SPAG16: variants seen among roughly 807,000 people sequenced by gnomAD.
SPAG16 encodes the protein sperm associated antigen 16, also known as sperm-associated antigen 16 protein.
A neutral mutation model predicts 80.4 loss-of-function variants in SPAG16; 86 were observed. That is an observed-to-expected ratio of 1.07 (90% confidence interval 0.90 to 1.28). The LOEUF is 1.28. Ranked by LOEUF, SPAG16 falls within the 50% of genes most tolerant of loss-of-function variation. The pLI is 0.00. For synonymous variants in SPAG16, 294 were observed against 265.9 expected (o/e 1.11, Z -1.03); for missense variants, 870 against 765.3 (o/e 1.14, Z -1.61).
chr2:213,845,390 G>T (rs990283899), intron 10 of SPAG16, among the ~76,000 whole-genome samples: 4 of 151,746 alleles, frequency 2.6e-5, no homozygotes, highest in African/African-American at 9.7e-5. Flanking sequence ...AGGAGACGAG[G>T]TTTCACCATG....
At chr2:213,805,315 AAAAG>A (rs1030207478) in intron 10 of SPAG16, among the ~76,000 whole-genome samples, 1 of 152,152 alleles carries the variant, frequency 6.6e-6, no homozygotes, top group African/African-American at 2.4e-5. Flanking sequence ...AACTGGGAGA[AAAAG>A]AGAGAAAGAC....
At chr2:214,217,701 G>A (rs559225764) in intron 15 of SPAG16, among the ~76,000 whole-genome samples, 1 of 152,246 alleles carries the variant, frequency 6.6e-6, no homozygotes, top group South Asian at 2.1e-4. Flanking sequence ...TTTAATATCT[G>A]CAAACTTTCA....
At chr2:214,042,007 TAC>T (rs78420814) in intron 13 of SPAG16, among the ~76,000 whole-genome samples, 5,885 of 100,970 alleles carry the variant, frequency 0.058, 128 homozygotes, top group East Asian at 0.1. Context: ...TATATATATA[TAC>T]ACACACACAC....
rs2045677235 is a variant in SPAG16, at chr2:213,980,608, G to GTATATATAGAATATATGTATATATGGAA, written c.1401-33338_1401-33337insATAGAATATATGTATATATGGAATATAT. On this transcript the variant is annotated intron_variant, in intron 12 of 15. Coordinates refer to ENST00000331683, the MANE Select transcript of SPAG16 (RefSeq NM_024532.5). ...TATATAGAATATATGTATATATGGA[G>GTATATATAGAATATATGTATATATGGAA]TATATGTATATATATAGAATATATG... Among the ~76,000 whole-genome samples the GTATATATAGAATATATGTATATATGGAA allele has an allele frequency of 3.0e-5, 4 of 134,780 alleles. No homozygotes were observed. The South Asian group carries it at 6.9e-4, about 23-fold the overall frequency. The allele number at this position is 134,780 out of a possible 152,430, so 88.4% of individuals were successfully genotyped here.
At chr2:214,354,953 A>G (rs1698675584) in intron 15 of SPAG16, among the ~76,000 whole-genome samples, 1 of 152,072 alleles carries the variant, frequency 6.6e-6, no homozygotes, top group Non-Finnish European at 1.5e-5. Context: ...AAACAGGGAC[A>G]ATTTGACTTC....
intron 15 of SPAG16, among the ~76,000 whole-genome samples, chr2:214,161,770 C>A (rs2056449694): frequency 6.6e-6 from 1 of 152,064 alleles, no homozygotes; most frequent in African/African-American, 2.4e-5. Flanking sequence ...TACAGCAAAC[C>A]ACCATGGCAC....
chr2:213,668,002 A>C (rs955953187), intron 10 of SPAG16, among the ~76,000 whole-genome samples: 3 of 152,042 alleles, frequency 2.0e-5, no homozygotes, highest in Non-Finnish European at 4.4e-5. Flanking sequence ...GCTGGAGTGC[A>C]TGATCTCGGC....
intron 9 of SPAG16, among the ~76,000 whole-genome samples, chr2:213,478,837 C>T (rs1370710163): frequency 1.3e-5 from 2 of 152,098 alleles, no homozygotes; most frequent in Non-Finnish European, 2.9e-5. Context: ...CTTCTGAATA[C>T]TCTTAAGAAT....
At chr2:213,737,298 C>T (rs1412140051) in intron 10 of SPAG16, among the ~76,000 whole-genome samples, 1 of 152,140 alleles carries the variant, frequency 6.6e-6, no homozygotes, top group Non-Finnish European at 1.5e-5. Flanking sequence ...TTTCTTTGTG[C>T]ATACGTGTTT....
At chr2:214,318,037 T>G (rs1042687918) in intron 15 of SPAG16, among the ~76,000 whole-genome samples, 8 of 152,236 alleles carry the variant, frequency 5.3e-5, no homozygotes, top group Non-Finnish European at 1.2e-4. Context: ...TTGTGCTATA[T>G]TTCTTAATTA....
rs540259890 is a variant in SPAG16, at chr2:213,881,824, A to G, written c.1214+19196A>G. ...GGGTGGAGACACAAAGCCTAACTAT[A>G]TCAGATGCCTTTTATTTCTTTCTCT... is the stretch of plus-strand genomic sequence containing the variant. On this transcript the variant is annotated intron_variant, in intron 11 of 15. Transcript: ENST00000331683. 5.3e-5 allele frequency among the ~76,000 whole-genome samples: 8 copies of G among 152,304 alleles called. No individual in the cohort carries two copies. In the East Asian group the frequency reaches 9.7e-4, roughly 18 times the overall value.
At chr2:213,909,067 T>C (rs930442338) in intron 11 of SPAG16, among the ~76,000 whole-genome samples, 5 of 152,100 alleles carry the variant, frequency 3.3e-5, no homozygotes, top group Non-Finnish European at 5.9e-5. Flanking sequence ...ATCACAAGCA[T>C]TCTTATACAC....
intron 10 of SPAG16, among the ~76,000 whole-genome samples, chr2:213,541,290 C>T (rs114587320): frequency 1.2e-3 from 175 of 152,126 alleles, no homozygotes; most frequent in African/African-American, 3.9e-3. Context: ...GAAATTAGGA[C>T]GCATAGAGTG....
At chr2:214,298,359 G>A (rs973934705) in intron 15 of SPAG16, among the ~76,000 whole-genome samples, 2 of 151,924 alleles carry the variant, frequency 1.3e-5, no homozygotes, top group Non-Finnish European at 2.9e-5. Context: ...GGGTTTCTAG[G>A]TATAATATCA....
intron 15 of SPAG16, among the ~76,000 whole-genome samples, chr2:214,184,691 G>A (rs1488907016): frequency 6.6e-6 from 1 of 152,044 alleles, no homozygotes; most frequent in African/African-American, 2.4e-5. Context: ...AGCAGTTTTG[G>A]TTTCTTTTAA....
chr2:213,623,866 A>G (rs1056482699), intron 10 of SPAG16, among the ~76,000 whole-genome samples: 1 of 152,056 alleles, frequency 6.6e-6, no homozygotes, highest in African/African-American at 2.4e-5. Flanking sequence ...AACAATAAAT[A>G]TACTCTTAAA....
intron 15 of SPAG16, among the ~76,000 whole-genome samples, chr2:214,208,625 G>C (rs1026662774): frequency 6.6e-6 from 1 of 152,080 alleles, no homozygotes; most frequent in South Asian, 2.1e-4. Context: ...CTCTCCCACT[G>C]TGTAACTGGA....
chr2:213,851,454 G>T (rs1477301523), intron 10 of SPAG16, among the ~76,000 whole-genome samples: 1 of 152,152 alleles, frequency 6.6e-6, no homozygotes, highest in African/African-American at 2.4e-5. Flanking sequence ...GTTGCAGTGA[G>T]CCAAGATTGC....
At chr2:213,904,830 A>T (rs1317837825) in intron 11 of SPAG16, among the ~76,000 whole-genome samples, 1 of 152,072 alleles carries the variant, frequency 6.6e-6, no homozygotes. Flanking sequence ...AAGGAGAAGA[A>T]GTCAGAGTGG....
Sources: gnomAD v4.1 joint callset for allele counts (sites outside exome capture counted in the v4.1 genomes callset) on GRCh38, gnomAD v4.1.1 for gene constraint, MANE v1.5 for transcripts, NCBI Gene and HGNC (gene_info 2026-07-23, HGNC 2026-07-21) for gene names.